Variants in SYCP2 observed in about 807,000 individuals in gnomAD.
SYCP2 encodes synaptonemal complex lateral element protein.
Under a neutral mutation model 211.3 loss-of-function variants are expected in SYCP2, and 55 were observed. That is an observed-to-expected ratio of 0.26 (90% CI 0.21 to 0.33). The LOEUF is 0.33. SYCP2 is among the 10% of genes least tolerant of loss of function. The probability of loss-of-function intolerance (pLI) is 1.00; values close to 1 mark genes in which losing one functional copy is unlikely to be tolerated. For synonymous variants in SYCP2, 570 were observed against 555.2 expected, an observed-to-expected ratio of 1.03 and a Z score of -0.37; for missense variants, 1,731 against 1,752.0, an observed-to-expected ratio of 0.99 and a Z score of 0.21.
intron 2 of SYCP2, among the ~76,000 whole-genome samples, chr20:59,924,909 C>A (rs1662911047): frequency 6.6e-6 from 1 of 151,970 alleles, no homozygotes; most frequent in African/African-American, 2.4e-5. Context: ...GTAAGATAAT[C>A]TTTTCAATTA....
chr20:59,879,889 ATATATT>A (rs1460469159), intron 31 of SYCP2, among the ~76,000 whole-genome samples: 43 of 146,738 alleles, frequency 2.9e-4, no homozygotes, highest in African/African-American at 1.0e-3. Flanking sequence ...AAACATATAA[ATATATT>A]TATTTTATAC....
intron 8 of SYCP2, chr20:59,915,765 G>T: frequency 3.1e-6 from 1 of 324,520 alleles, no homozygotes; most frequent in South Asian, 6.1e-5. Context: ...AGGCCAAGGC[G>T]GGCGGATCAC....
intron 18 of SYCP2, 115 bp downstream of exon 18, chr20:59,900,023 G>T: frequency 8.9e-7 from 1 of 1,121,106 alleles, no homozygotes; most frequent in Non-Finnish European, 1.3e-6. Context: ...ACTCTGAAAT[G>T]TGATTGATCA....
chr20:59,886,958 G>A, intron 24 of SYCP2, 124 bp from the exon 25 acceptor site: 4 of 697,754 alleles, frequency 5.7e-6, no homozygotes, highest in Non-Finnish European at 2.2e-6. Flanking sequence ...AATAAAGAGA[G>A]TCAACTGTTT....
chr20:59,885,804 T>C (rs1391782928), intron 26 of SYCP2, 124 bp downstream of exon 26: 2 of 761,798 alleles, frequency 2.6e-6, no homozygotes, highest in South Asian at 1.7e-5. Flanking sequence ...GTGGTTATCA[T>C]TCATTTAGCA....
At chr20:59,867,656 G>T in intron 39 of SYCP2, 55 bp downstream of exon 39, 1 of 1,474,804 alleles carries the variant, frequency 6.8e-7, no homozygotes, top group Non-Finnish European at 9.4e-7. Context: ...CTAGTAGAAA[G>T]TGTGGCATAT....
chr20:59,866,451 T>TA (rs1378546260), intron 40 of SYCP2, 44 bp downstream of exon 40: 4 of 1,560,908 alleles, frequency 2.6e-6, no homozygotes, highest in Non-Finnish European at 3.5e-6. Context: ...AATATAGGAA[T>TA]ATGTAGCATT....
intron 2 of SYCP2, 74 bp from the exon 3 acceptor site, chr20:59,922,533 A>T: frequency 1.5e-6 from 1 of 659,000 alleles, no homozygotes; most frequent in Non-Finnish European, 2.4e-6. Flanking sequence ...TATCTTACAC[A>T]CATAAATATG....
At chr20:59,912,600 G>C (rs2060352603) in intron 12 of SYCP2, among the ~76,000 whole-genome samples, 182 bp from the exon 13 acceptor site, 1 of 152,128 alleles carries the variant, frequency 6.6e-6, no homozygotes, top group Non-Finnish European at 1.5e-5. Context: ...TTTATGTAGA[G>C]AAAATCATAT....
intron 43 of SYCP2, 32 bp downstream of exon 43, chr20:59,865,541 G>C (rs1436642169): frequency 5.7e-6 from 9 of 1,578,032 alleles, no homozygotes; most frequent in Non-Finnish European, 7.8e-6. Flanking sequence ...GTAATCAAGA[G>C]AGGTAACCTA....
intron 24 of SYCP2, among the ~76,000 whole-genome samples, chr20:59,888,144 C>T (rs766401419): frequency 3.0e-4 from 45 of 151,698 alleles, no homozygotes; most frequent in Non-Finnish European, 5.4e-4. Context: ...GGAACTACTT[C>T]CTAACTTAGT....
In SYCP2 at chr20:59,903,160, T is replaced by A. The variant is rs181889248; in HGVS notation, c.1034-1350A>T. 1.6e-3 allele frequency among the ~76,000 whole-genome samples: 238 copies of A among 144,766 alleles called. 1 individual carries two copies. Among genetic ancestry groups the A allele is most frequent in the African/African-American group, 6.4e-3 (220 of 34,644 alleles). 95.0% of individuals were successfully genotyped at this position (144,766 alleles called of 152,430 possible). On this transcript the variant is annotated intron_variant, in intron 15 of 44. Transcript: ENST00000357552. ...CATAGAAATTTATGAATATTTGTTA[T>A]ATTTTAATGATTGCTTTGTTGAAAT...
chr20:59,924,810 C>A (rs1477767029), intron 2 of SYCP2, among the ~76,000 whole-genome samples: 4 of 151,958 alleles, frequency 2.6e-5, no homozygotes, highest in African/African-American at 9.7e-5. Flanking sequence ...AAGTCCAACA[C>A]AGATGGTACT....
intron 43 of SYCP2, 34 bp downstream of exon 43, chr20:59,865,539 G>C: frequency 6.3e-7 from 1 of 1,576,372 alleles, no homozygotes. Flanking sequence ...TTGTAATCAA[G>C]AGAGGTAACC....
At chr20:59,885,311 T>C (rs1167793649) in intron 26 of SYCP2, among the ~76,000 whole-genome samples, 3 of 152,032 alleles carry the variant, frequency 2.0e-5, no homozygotes, top group African/African-American at 7.2e-5. Flanking sequence ...GTGAATGTGA[T>C]GTAAGGATTG....
At chr20:59,881,393 G>T in intron 29 of SYCP2, 44 bp downstream of exon 29, 1 of 1,006,462 alleles carries the variant, frequency 9.9e-7, no homozygotes, top group Non-Finnish European at 1.4e-6. Flanking sequence ...ATATTTAAGA[G>T]AAAAAAAAAG....
chr20:59,879,822 A>AATAT (rs1159547809), intron 31 of SYCP2, among the ~76,000 whole-genome samples: 937 of 50,680 alleles, frequency 0.018, 2 homozygotes, highest in Admixed American at 0.021. Context: ...AATATAAATA[A>AATAT]ATATATATAT....
chr20:59,870,439 A>G (rs1232549634), intron 35 of SYCP2, among the ~76,000 whole-genome samples: 1 of 151,858 alleles, frequency 6.6e-6, no homozygotes, highest in Non-Finnish European at 1.5e-5. Flanking sequence ...TTTTTAAAAA[A>G]AGTCTTTTTT....
At chr20:59,873,764 C>T in intron 35 of SYCP2, 92 bp downstream of exon 35, 1 of 1,133,964 alleles carries the variant, frequency 8.8e-7, no homozygotes, top group South Asian at 1.7e-5. Flanking sequence ...CTTAAATAGA[C>T]AAGCAATGTG....
Sources: gnomAD v4.1 joint callset for allele counts (sites outside exome capture counted in the v4.1 genomes callset) on GRCh38, gnomAD v4.1.1 for gene constraint, MANE v1.5 for transcripts, NCBI Gene and HGNC (gene_info 2026-07-23, HGNC 2026-07-21) for gene names.